HDAC1: variants seen among roughly 807,000 people sequenced by gnomAD.
HDAC1 encodes protein deacetylase HDAC1.
In HDAC1, 18 loss-of-function variants were observed where a neutral mutation model predicts 65.5. The observed-to-expected ratio is 0.27, with a 90% CI of 0.19 to 0.41. The LOEUF (loss-of-function observed/expected upper bound fraction) is 0.41, where lower values mean the gene tolerates loss of function less well. HDAC1 is among the 10% of genes least tolerant of loss of function. The pLI is 1.00. For missense variants in HDAC1, 373 were observed against 625.2 expected (o/e 0.60, Z 4.30); for synonymous variants, 211 against 227.9 (o/e 0.93, Z 0.67).
At chr1:32,300,641 C>G (rs1170978875) in intron 1 of HDAC1, among the ~76,000 whole-genome samples, 2 of 151,860 alleles carry the variant, frequency 1.3e-5, no homozygotes, top group African/African-American at 2.4e-5. Flanking sequence ...TTATTTTGAT[C>G]AAGAAAGGGT....
intron 2 of HDAC1, among the ~76,000 whole-genome samples, chr1:32,309,474 A>G (rs899853705): frequency 2.6e-5 from 4 of 151,908 alleles, no homozygotes; most frequent in Admixed American, 1.3e-4. Context: ...ATCACCTGAG[A>G]TCAGGAGTTC....
chr1:32,321,212 C>T (rs577561879), intron 3 of HDAC1, among the ~76,000 whole-genome samples: 74 of 148,532 alleles, frequency 5.0e-4, no homozygotes, highest in Admixed American at 2.6e-3. Context: ...GGCTGGGCAA[C>T]AGAGCAAGAC....
chr1:32,333,228 C>T lies in HDAC1; in HGVS notation c.*184C>T, dbSNP rs915989318. 8.3e-6 allele frequency: 4 copies of T among 484,238 alleles called. No individual in the cohort carries two copies. Among genetic ancestry groups the T allele is most frequent in the African/African-American group, 7.9e-5 (4 of 50,342 alleles). The allele number at this position is 484,238 out of a possible 1,614,324, so 30.0% of individuals were successfully genotyped here. A position where few individuals can be genotyped will look rare whatever the true frequency, so the allele number is the denominator to read the frequency against. Reference sequence around the variant, plus strand: ...GTGCTGGGTGAGCTCTTCCAGGAGCCACCTTGCCACCCATTCTTCCCGTTC... The same window carrying T: ...GTGCTGGGTGAGCTCTTCCAGGAGCTACCTTGCCACCCATTCTTCCCGTTC... On this transcript the variant is annotated 3_prime_UTR_variant, in exon 14 of 14. Transcript: ENST00000373548.
At chr1:32,322,303 G>T (rs1641159036) in intron 3 of HDAC1, among the ~76,000 whole-genome samples, 1 of 150,754 alleles carries the variant, frequency 6.6e-6, no homozygotes, top group Non-Finnish European at 1.5e-5. Flanking sequence ...CTGAGATGGA[G>T]TCTCGCCCTG....
Position 32,292,147 on chromosome 1 carries a change from G to C in HDAC1, c.-23G>C, listed in dbSNP as rs377307169. 6.5e-5 allele frequency: 100 copies of C among 1,547,462 alleles called. No individual in the cohort carries two copies. The highest frequency in any genetic ancestry group is 8.1e-5 in the Non-Finnish European group (93 of 1,145,996). ...CGGGAGGGCGGACGGACCGACTGACGGTAGGGACGGGAGGCGAGCAAGATG... is the reference window on the plus strand; with the variant it reads ...CGGGAGGGCGGACGGACCGACTGACCGTAGGGACGGGAGGCGAGCAAGATG... On this transcript the variant is annotated 5_prime_UTR_variant, in exon 1 of 14. Transcript: ENST00000373548.
intron 1 of HDAC1, among the ~76,000 whole-genome samples, chr1:32,300,896 A>G (rs1367281043): frequency 1.3e-5 from 2 of 152,222 alleles, no homozygotes; most frequent in Non-Finnish European, 2.9e-5. Context: ...TAAACTGCTC[A>G]GCTCTGCCAC....
Position 32,327,145 on chromosome 1 carries a change from G to A in HDAC1, c.494+68G>A. 1 of 1,544,584 alleles carries A rather than the reference G, an allele frequency of 6.5e-7. No homozygotes were observed. Among genetic ancestry groups the A allele is most frequent in the East Asian group, 2.3e-5 (1 of 44,400 alleles). The stretch of plus-strand genomic sequence containing the variant: ...CAGGTTCCCATTTCCCTCTTCCCCT[G>A]GGCTTGCCTCCCTAGTTTGCTTTTC... On this transcript the variant is annotated intron_variant, in intron 5 of 13. Coordinates refer to ENST00000373548, the MANE Select transcript of HDAC1 (RefSeq NM_004964.3). The surrounding 1 kb of genome is among the most constrained non-coding windows in gnomAD (Gnocchi z 6.0).
chr1:32,304,038 G>A (rs989559978), intron 2 of HDAC1, among the ~76,000 whole-genome samples: 1 of 152,146 alleles, frequency 6.6e-6, no homozygotes, highest in Non-Finnish European at 1.5e-5. Context: ...AGATAGGAAC[G>A]GGCATGCATT....
At position 32,330,259 on chromosome 1, in the gene HDAC1, A is replaced by G; in HGVS notation, c.730-319A>G. ...CCGAATGAGTAGAGTAGATGCAGCT[A>G]AAGGTCAGGAAGGCTTCCTGGAGGA... On this transcript the variant is annotated intron_variant, in intron 7 of 13. Coordinates refer to ENST00000373548, the MANE Select transcript of HDAC1 (RefSeq NM_004964.3). This position sits in a 1 kb window ranked among gnomAD's most constrained non-coding sequence, Gnocchi z 4.2. 1 of 332,010 alleles carries G rather than the reference A, an allele frequency of 3.0e-6. No individual in the cohort carries two copies. The highest frequency in any genetic ancestry group is 6.9e-5 in the East Asian group (1 of 14,394). 20.6% of individuals were successfully genotyped at this position (332,010 alleles called of 1,614,324 possible). A position where few individuals can be genotyped will look rare whatever the true frequency, so the allele number is the denominator to read the frequency against.
At chr1:32,320,700 G>C (rs543831718) in intron 3 of HDAC1, among the ~76,000 whole-genome samples, 125 of 151,992 alleles carry the variant, frequency 8.2e-4, no homozygotes, top group African/African-American at 2.9e-3. Flanking sequence ...AGGAGTTTGA[G>C]ACCAGCCTGG....
At chr1:32,313,858 A>G (rs1365132573) in intron 2 of HDAC1, among the ~76,000 whole-genome samples, 1 of 152,062 alleles carries the variant, frequency 6.6e-6, no homozygotes, top group Non-Finnish European at 1.5e-5. Context: ...GTGTGAGTGC[A>G]CCCTGTGATG....
In HDAC1 at chr1:32,326,428, C is replaced by T. The variant is rs115617598; in HGVS notation, c.356-511C>T. Among the ~76,000 whole-genome samples, 589 of 152,170 alleles carry T rather than the reference C, an allele frequency of 3.9e-3. 2 individuals are homozygous for T. The highest frequency in any genetic ancestry group is 7.3e-3 in the Non-Finnish European group (496 of 67,994). On this transcript the variant is annotated intron_variant, in intron 4 of 13. Transcript: ENST00000373548. ...GATGTGCCCGCCTTGGCCTCCCAAA[C>T]TTCTGGGATTACAGGTGTGAGCCAC...
rs778326795 is a variant in HDAC1, at chr1:32,331,431, G to C, written c.980-43G>C. Reference sequence around the variant, plus strand: ...GCTTACGTGCAAATGGTTAGGGTGCGGTGGCCAGGTCTCTTGACGGTCTTC... The same window carrying C: ...GCTTACGTGCAAATGGTTAGGGTGCCGTGGCCAGGTCTCTTGACGGTCTTC... On this transcript the variant is annotated intron_variant, in intron 9 of 13. Coordinates refer to ENST00000373548, the MANE Select transcript of HDAC1 (RefSeq NM_004964.3). The surrounding 1 kb of genome is among the most constrained non-coding windows in gnomAD (Gnocchi z 4.2). 1.8e-6 allele frequency: 2 copies of C among 1,117,016 alleles called. No homozygotes were observed. Among genetic ancestry groups the C allele is most frequent in the Non-Finnish European group, 2.7e-6 (2 of 727,398 alleles). 69.2% of individuals were successfully genotyped at this position (1,117,016 alleles called of 1,614,324 possible). A position where few individuals can be genotyped will look rare whatever the true frequency, so the allele number is the denominator to read the frequency against.
intron 2 of HDAC1, among the ~76,000 whole-genome samples, chr1:32,306,171 CT>C (rs899122485): frequency 1.3e-5 from 2 of 149,978 alleles, no homozygotes; most frequent in African/African-American, 4.9e-5. Context: ...TGCCCTTTCA[CT>C]TTTTTTTCTT....
At chr1:32,298,243 C>T (rs765478635) in intron 1 of HDAC1, among the ~76,000 whole-genome samples, 2 of 151,938 alleles carry the variant, frequency 1.3e-5, no homozygotes, top group Non-Finnish European at 2.9e-5. Context: ...CATATGCCAC[C>T]ACGCCCGGCT....
intron 1 of HDAC1, among the ~76,000 whole-genome samples, chr1:32,296,178 A>G (rs1040769020): frequency 6.6e-6 from 1 of 152,164 alleles, no homozygotes; most frequent in African/African-American, 2.4e-5. Flanking sequence ...TAGGTTCTCA[A>G]TAAATATTTG....
Position 32,327,018 on chromosome 1 carries a change from C to T in HDAC1, c.435C>T (p.Ser145=), listed in dbSNP as rs148694398. 1,133 of 1,613,904 alleles carry T rather than the reference C, an allele frequency of 7.0e-4. No homozygotes were observed. The highest frequency in any genetic ancestry group is 8.6e-4 in the Non-Finnish European group (1,019 of 1,179,930). ...WAGGLHHAKK[S]EASGFCYVND... ...GGGGCCTGCACCATGCAAAGAAGTC[C>T]GAGGCATCTGGCTTCTGTTACGTCA... Residue 145 remains serine (S), a synonymous_variant, in exon 5 of 14, where the codon TCC becomes TCT. Coordinates refer to ENST00000373548, the MANE Select transcript of HDAC1 (RefSeq NM_004964.3). The surrounding 1 kb of genome is among the most constrained non-coding windows in gnomAD (Gnocchi z 6.0).
chr1:32,319,788 C>CT (rs1641114484), intron 3 of HDAC1, among the ~76,000 whole-genome samples: 1 of 151,918 alleles, frequency 6.6e-6, no homozygotes, highest in Admixed American at 6.6e-5. Flanking sequence ...TGGCACATGC[C>CT]TGTGATTCTG....
At chr1:32,317,984 A>C (rs913678517) in intron 3 of HDAC1, among the ~76,000 whole-genome samples, 3 of 151,982 alleles carry the variant, frequency 2.0e-5, no homozygotes, top group Non-Finnish European at 4.4e-5. Context: ...TTTGAGACAG[A>C]GTTTCGCTCT....
Sources: allele counts gnomAD v4.1 joint callset (sites outside exome capture counted in the v4.1 genomes callset), GRCh38; gene constraint gnomAD v4.1.1; non-coding constraint Gnocchi (gnomAD v3.1); transcripts MANE v1.5; gene names NCBI Gene and HGNC (gene_info 2026-07-23, HGNC 2026-07-21).